The following DST variants were observed in gnomAD, a reference collection of about 807,000 sequenced individuals.
The protein encoded by DST is dystonin, also known as bullous pemphigoid antigen.
DST carries 253 observed loss-of-function variants against 875.2 expected under a neutral mutation model. That is an observed-to-expected ratio of 0.29 (90% CI 0.26 to 0.32). The LOEUF is 0.32. DST is among the 10% of genes least tolerant of loss of function. DST has a pLI of 1.00. For missense variants in DST, 8,287 were observed against 9,111.6 expected, an observed-to-expected ratio of 0.91 and a Z score of 3.68; for synonymous variants, 3,124 against 3,197.1, an observed-to-expected ratio of 0.98 and a Z score of 0.77.
intron 3 of DST, among the ~76,000 whole-genome samples, chr6:56,879,417 G>A (rs1781015487): frequency 6.6e-6 from 1 of 151,736 alleles, no homozygotes. Flanking sequence ...TTTGCAGTGA[G>A]CAGAGATCAC....
chr6:56,894,481 G>A (rs1789795466), intron 3 of DST, among the ~76,000 whole-genome samples: 1 of 63,634 alleles, frequency 1.6e-5, no homozygotes, highest in Non-Finnish European at 2.8e-5. Flanking sequence ...CAGGCAGGGG[G>A]CTGATCCCCC....
intron 2 of DST, among the ~76,000 whole-genome samples, chr6:56,952,163 T>A (rs1409122522): frequency 6.6e-6 from 1 of 152,156 alleles, no homozygotes; most frequent in East Asian, 1.9e-4. Flanking sequence ...TGAAGTGAGT[T>A]AAGGCATTAA....
chr6:56,703,230 T>A (rs910349106), intron 7 of DST, among the ~76,000 whole-genome samples: 1 of 152,164 alleles, frequency 6.6e-6, no homozygotes, highest in East Asian at 1.9e-4. Context: ...CTAAAAAAAA[T>A]TTCCCTAAGT....
chr6:56,953,212 T>G (rs1483615030), intron 2 of DST, among the ~76,000 whole-genome samples: 1 of 152,138 alleles, frequency 6.6e-6, no homozygotes, highest in East Asian at 1.9e-4. Context: ...CTGGGTGCAG[T>G]GATTAGGAGT....
At chr6:56,933,470 C>A (rs1263279371) in intron 2 of DST, among the ~76,000 whole-genome samples, 2 of 152,226 alleles carry the variant, frequency 1.3e-5, no homozygotes, top group African/African-American at 4.8e-5. Context: ...CTTTCTTCCA[C>A]TGCAAACCTC....
intron 3 of DST, among the ~76,000 whole-genome samples, chr6:56,877,739 A>G (rs1591991384): frequency 6.6e-6 from 1 of 152,238 alleles, no homozygotes; most frequent in South Asian, 2.1e-4. Flanking sequence ...AAATGCCACT[A>G]TCCCCCAGTC....
At chr6:56,935,521 C>G (rs1015775994) in intron 2 of DST, among the ~76,000 whole-genome samples, 2 of 152,228 alleles carry the variant, frequency 1.3e-5, no homozygotes, top group African/African-American at 4.8e-5. Context: ...TCTTTGTAAA[C>G]TCATCAGTAA....
At chr6:56,848,266 C>T (rs1190948391) in intron 4 of DST, among the ~76,000 whole-genome samples, 1 of 152,208 alleles carries the variant, frequency 6.6e-6, no homozygotes, top group African/African-American at 2.4e-5. Flanking sequence ...AGGTATCCCA[C>T]AGACCACATA....
Position 56,572,145 on chromosome 6 carries a change from T to C in DST, c.13676A>G (p.Asn4559Ser), listed in dbSNP as rs1238660945. 1.3e-6 allele frequency: 2 copies of C among 1,525,732 alleles called. No homozygotes were observed. Among genetic ancestry groups the C allele is most frequent in the South Asian group, 2.7e-5 (2 of 74,992 alleles). 94.5% of individuals were successfully genotyped at this position (1,525,732 alleles called of 1,614,324 possible). A position where few individuals can be genotyped will look rare whatever the true frequency, so the allele number is the denominator to read the frequency against. Residue 4559 changes from asparagine (N) to serine (S), a missense_variant, in exon 53 of 104, where the codon AAT (asparagine) becomes AGT (serine). Asn to Ser is a conservative substitution (Grantham distance 46). This residue lies in a region of DST where 1,513 missense variants were observed against 1,677.8 expected (regional missense o/e 0.90). Coordinates refer to ENST00000680361, the MANE Select transcript of DST (RefSeq NM_001374736.1). ...CATTTCCTTGAATTTCTTTGACAAA[T>C]TATTTGTTTTTTCAAGGACCAAAGC... ...DKALVLEKTN[N>S]LSKKFKEMED...
In DST at chr6:56,627,218, A is replaced by C; in HGVS notation, c.4708T>G (p.Ser1570Ala). ...AATCTTCCTACCTTCACTGTAGCTGAGTACTGTTCTGCATATTTTTGACAC... is the reference window on the plus strand; with the variant it reads ...AATCTTCCTACCTTCACTGTAGCTGCGTACTGTTCTGCATATTTTTGACAC... ...DECQKYAEQY[S>A]ATVKDYELQT... Residue 1570 changes from serine to alanine, a missense_variant, in exon 34 of 104, where the codon TCA (serine) becomes GCA (alanine). This residue lies in a region of DST where 3,138 missense variants were observed against 3,116.6 expected (regional missense o/e 1.01). Transcript: ENST00000680361. 6.2e-7 allele frequency: 1 copy of C among 1,611,118 alleles called. No individual in the cohort carries two copies. Among genetic ancestry groups the C allele is most frequent in the Non-Finnish European group, 8.5e-7 (1 of 1,177,936 alleles).
intron 80 of DST, among the ~76,000 whole-genome samples, chr6:56,499,982 T>C (rs1298785661): frequency 1.3e-5 from 2 of 152,206 alleles, no homozygotes; most frequent in East Asian, 1.9e-4. Context: ...TAAATCCAAA[T>C]TGTTTAATCA....
rs35497571 is a variant in DST, at chr6:56,620,225, T to C, written c.4929+4305A>G. On this transcript the variant is annotated intron_variant, in intron 36 of 103. Coordinates refer to ENST00000680361, the MANE Select transcript of DST (RefSeq NM_001374736.1). Reference sequence around the variant, plus strand: ...TCTTAATTCTTCCATTAATTTATTTTTTTGTTGCTCCAAATCATTGAGACT... The same window carrying C: ...TCTTAATTCTTCCATTAATTTATTTCTTTGTTGCTCCAAATCATTGAGACT... The C allele has an allele frequency of 0.027, 44,349 of 1,613,918 alleles. 726 individuals are homozygous for C. The highest frequency in any genetic ancestry group is 0.032 in the Non-Finnish European group (37,346 of 1,179,856).
chr6:56,907,312 C>T (rs1206631632), intron 2 of DST, among the ~76,000 whole-genome samples: 1 of 152,136 alleles, frequency 6.6e-6, no homozygotes, highest in Non-Finnish European at 1.5e-5. Context: ...GTAACGCACA[C>T]AATTTTTGTT....
chr6:56,827,494 G>A (rs982744990), intron 4 of DST, among the ~76,000 whole-genome samples: 3 of 120,180 alleles, frequency 2.5e-5, no homozygotes, highest in African/African-American at 6.6e-5. Flanking sequence ...GCAACAGAGT[G>A]AGACTCCGTC....
In DST at chr6:56,472,218, T is replaced by G. The variant is rs1562212191; in HGVS notation, c.21999A>C (p.Lys7333Asn). The G allele has an allele frequency of 4.3e-6, 7 of 1,613,436 alleles. No individual in the cohort carries two copies. In the East Asian group the frequency reaches 1.3e-4, roughly 31 times the overall value. ...PVLDKGRAGR[K>N]RFPASSLYPS... ...GATACAAGCTTGATGCTGGAAAGCG[T>G]TTTCCTGTGAAGGTATAACTTCGGT... The change falls in exon 94 of 104, where the codon AAA (lysine) becomes AAC (asparagine). Residue 7333 changes from lysine to asparagine, a missense_variant. Coordinates refer to ENST00000680361, the MANE Select transcript of DST (RefSeq NM_001374736.1).
At chr6:56,586,885 G>C (rs951484008) in intron 49 of DST, among the ~76,000 whole-genome samples, 2 of 152,084 alleles carry the variant, frequency 1.3e-5, no homozygotes, top group Non-Finnish European at 2.9e-5. Context: ...AAACAGAAAG[G>C]ACATCCACAC....
intron 5 of DST, among the ~76,000 whole-genome samples, chr6:56,721,285 T>C (rs1239199755): frequency 2.0e-5 from 3 of 152,224 alleles, no homozygotes; most frequent in Non-Finnish European, 4.4e-5. Flanking sequence ...CAAACACACA[T>C]GCTCTACAAT....
At position 56,508,832 on chromosome 6, in the gene DST, C is replaced by T; in HGVS notation, c.19013-77G>A. On this transcript the variant is annotated intron_variant, in intron 74 of 103. Transcript: ENST00000680361. ...ACAAAGCAGAATGTTATAGTTCACA[C>T]AGAAAGTAGTGATCCAATTTGCTAA... The T allele has an allele frequency of 4.2e-6, 5 of 1,191,882 alleles. No homozygotes were observed. In the South Asian group the frequency reaches 4.6e-5, roughly 11 times the overall value. The allele number at this position is 1,191,882 out of a possible 1,614,324, so 73.8% of individuals were successfully genotyped here. A position where few individuals can be genotyped will look rare whatever the true frequency, so the allele number is the denominator to read the frequency against.
chr6:56,584,277 G>A (rs1447680138), intron 49 of DST, among the ~76,000 whole-genome samples: 7 of 151,600 alleles, frequency 4.6e-5, no homozygotes, highest in Admixed American at 4.6e-4. Flanking sequence ...ATTGAGCAGT[G>A]GTTTGTATTT....
Sources: allele counts gnomAD v4.1 joint callset (sites outside exome capture counted in the v4.1 genomes callset), GRCh38; gene constraint gnomAD v4.1.1; regional missense constraint gnomAD v4.1.1; transcripts MANE v1.5; gene names NCBI Gene and HGNC (gene_info 2026-07-23, HGNC 2026-07-21).